The following PEPD variants were observed in gnomAD, a reference collection of about 807,000 sequenced individuals.
PEPD encodes the protein peptidase D, also known as xaa-Pro dipeptidase.
PEPD carries 53 observed loss-of-function variants against 60.7 expected under a neutral mutation model. The ratio of observed to expected loss-of-function variants is 0.87; its 90% CI spans 0.70 to 1.10. The LOEUF is 1.10. PEPD is among the 50% of genes least tolerant of loss of function. The pLI is 0.00. For synonymous variants in PEPD, 267 were observed against 284.1 expected (o/e 0.94, Z 0.60); for missense variants, 711 against 711.9 (o/e 1.00, Z 0.01).
At chr19:33,478,150 A>C in intron 6 of PEPD, 60 bp from the exon 7 acceptor site, 1 of 1,128,878 alleles carries the variant, frequency 8.9e-7, no homozygotes, top group East Asian at 2.4e-5. Flanking sequence ...CCCAGCAAGA[A>C]CTACCTCATT....
At chr19:33,448,277 G>A (rs770660629) in intron 9 of PEPD, among the ~76,000 whole-genome samples, 5 of 152,210 alleles carry the variant, frequency 3.3e-5, no homozygotes, top group Non-Finnish European at 7.3e-5. Flanking sequence ...CTGCGGGGCT[G>A]CTCCTCACTA....
At chr19:33,460,617 G>C (rs1969908304) in intron 9 of PEPD, among the ~76,000 whole-genome samples, 1 of 152,070 alleles carries the variant, frequency 6.6e-6, no homozygotes, top group Non-Finnish European at 1.5e-5. Context: ...GCTCTCAGGG[G>C]CCCACAGATC....
chr19:33,473,475 T>C (rs1006234905), intron 7 of PEPD, among the ~76,000 whole-genome samples: 3 of 152,182 alleles, frequency 2.0e-5, no homozygotes, highest in African/African-American at 4.8e-5. Context: ...GATTAATGCA[T>C]GCAGGACACT....
chr19:33,387,492 C>G lies in PEPD; in HGVS notation c.1345-11G>C, dbSNP rs374919986. ...CTCCTCGATGCGGACCTGGGTCAAG[C>G]CGACAGACACACATTATCATAGAGC... is the stretch of plus-strand genomic sequence containing the variant. On this transcript the variant is annotated splice_polypyrimidine_tract_variant and intron_variant, in intron 14 of 14. Coordinates refer to ENST00000244137, the MANE Select transcript of PEPD (RefSeq NM_000285.4). 153 of 1,613,186 alleles carry G rather than the reference C, an allele frequency of 9.5e-5. No individual in the cohort carries two copies. In the African/African-American group the frequency reaches 1.7e-3, roughly 18 times the overall value.
At chr19:33,499,207 A>C (rs1970664272) in intron 4 of PEPD, among the ~76,000 whole-genome samples, 1 of 152,192 alleles carries the variant, frequency 6.6e-6, no homozygotes, top group Admixed American at 6.5e-5. Context: ...CAGAATCTTC[A>C]GATGTTAAGA....
chr19:33,442,273 G>T (rs569900702), intron 9 of PEPD, among the ~76,000 whole-genome samples: 1 of 152,138 alleles, frequency 6.6e-6, no homozygotes, highest in East Asian at 1.9e-4. Flanking sequence ...GGTGGAGGGT[G>T]GGGGGCACCT....
intron 11 of PEPD, among the ~76,000 whole-genome samples, chr19:33,403,657 C>T (rs1309689345): frequency 6.6e-6 from 1 of 152,214 alleles, no homozygotes; most frequent in African/African-American, 2.4e-5. Context: ...CAGCGTCAGC[C>T]GCCCCATGGA....
Position 33,387,882 on chromosome 19 carries a change from G to A in PEPD, c.1344+8C>T. The A allele has an allele frequency of 6.4e-7, 1 of 1,555,032 alleles. No individual in the cohort carries two copies. Among genetic ancestry groups the A allele is most frequent in the Non-Finnish European group, 8.7e-7 (1 of 1,149,352 alleles). On this transcript the variant is annotated splice_region_variant and intron_variant, in intron 14 of 14. Transcript: ENST00000244137. The stretch of plus-strand genomic sequence containing the variant: ...CTGGGAGCAAGAATGGGGCCCGTGG[G>A]CACTCACCCCGCCAAAACCGCGAAA...
rs768550084 is a variant in PEPD at position 33,521,733 on chromosome 19, G to T, written c.17+11C>A. 1.3e-6 allele frequency: 2 copies of T among 1,580,170 alleles called. No homozygotes were observed. Among genetic ancestry groups the T allele is most frequent in the South Asian group, 1.2e-5 (1 of 86,950 alleles). Reference sequence around the variant, plus strand: ...GCCAGCGGGAAAGAGCGAGGGAGGCGCAGCACTCACCCGGTGGCCGCCGCC... The same window carrying T: ...GCCAGCGGGAAAGAGCGAGGGAGGCTCAGCACTCACCCGGTGGCCGCCGCC... On this transcript the variant is annotated intron_variant, in intron 1 of 14. Coordinates refer to ENST00000244137, the MANE Select transcript of PEPD (RefSeq NM_000285.4).
intron 9 of PEPD, among the ~76,000 whole-genome samples, chr19:33,437,415 G>A (rs17833959): frequency 0.088 from 13,375 of 151,252 alleles, 624 homozygotes; most frequent in Middle Eastern, 0.13. Context: ...CACACGAGAT[G>A]CAGGGGTTCA....
In PEPD at chr19:33,387,323, C is replaced by G. The variant is rs754071234; in HGVS notation, c.*21G>C. The G allele has an allele frequency of 7.4e-6, 12 of 1,613,426 alleles. No individual in the cohort carries two copies. The highest frequency in any genetic ancestry group is 1.0e-5 in the Non-Finnish European group (12 of 1,179,882). On this transcript the variant is annotated 3_prime_UTR_variant, in exon 15 of 15. Coordinates refer to ENST00000244137, the MANE Select transcript of PEPD (RefSeq NM_000285.4). ...GGTTGCAAGGCCAGGCCCCCAGGTG[C>G]GCTGGGATTTCTGGCTGGCTCTACT...
chr19:33,396,371 G>A (rs905046772), intron 12 of PEPD, among the ~76,000 whole-genome samples: 1 of 151,972 alleles, frequency 6.6e-6, no homozygotes, highest in South Asian at 2.1e-4. Flanking sequence ...GCCGGGGCAG[G>A]TGCTGCTGGG....
At chr19:33,511,910 C>T (rs934827290) in intron 2 of PEPD, among the ~76,000 whole-genome samples, 1 of 152,182 alleles carries the variant, frequency 6.6e-6, no homozygotes, top group Admixed American at 6.5e-5. Context: ...AGAAAAAACA[C>T]AGTCTGCGGT....
chr19:33,438,123 G>A (rs1358950891), intron 9 of PEPD, among the ~76,000 whole-genome samples: 3 of 152,222 alleles, frequency 2.0e-5, no homozygotes, highest in African/African-American at 7.2e-5. Context: ...GACACAGGCT[G>A]CAGGGATGTC....
At chr19:33,431,148 GAGGAAGGAAGGAAAGAAGGAAGGA>G (rs2145395984) in intron 9 of PEPD, among the ~76,000 whole-genome samples, 1 of 138,386 alleles carries the variant, frequency 7.2e-6, no homozygotes, top group East Asian at 2.4e-4. Flanking sequence ...GAAAGGGAGA[GAGGAAGGAAGGAAAGAAGGAAGGA>G]AGGAAGGAAG....
intron 12 of PEPD, among the ~76,000 whole-genome samples, chr19:33,394,555 G>A (rs1313019841): frequency 6.6e-6 from 1 of 152,238 alleles, no homozygotes; most frequent in Non-Finnish European, 1.5e-5. Context: ...CCCAGCCTCT[G>A]GCCCGGATGG....
rs367902648 is a variant in PEPD at position 33,401,847 on chromosome 19, A to T, written c.841T>A (p.Tyr281Asn). ...GTGATGTCGGAAGCGAAGCAGTAAT[A>T]CTCACCGCCCATGTCGAACAGGCTG... ...DMCLFDMGGE[Y>N]YCFASDITCS... Residue 281 changes from tyrosine to asparagine, a missense_variant, in exon 12 of 15, where the codon TAT becomes AAT. By Grantham distance (143) the Tyr-to-Asn change is moderately radical (BLOSUM62 -2). Transcript: ENST00000244137. 2.4e-4 allele frequency: 395 copies of T among 1,612,874 alleles called. No homozygotes were observed. The highest frequency in any genetic ancestry group is 3.2e-4 in the Non-Finnish European group (380 of 1,179,888).
In PEPD at chr19:33,416,749, C is replaced by T. The variant is rs1255643047; in HGVS notation, c.672-3106G>A. On this transcript the variant is annotated intron_variant, in intron 9 of 14. Coordinates refer to ENST00000244137, the MANE Select transcript of PEPD (RefSeq NM_000285.4). ...CTAACACCCTCACCTATAAATTTCT[C>T]CCAGGCAAGACTCGGGTAGAAGAGG... 2.0e-5 allele frequency among the ~76,000 whole-genome samples: 3 copies of T among 152,328 alleles called. No homozygotes were observed. The East Asian group carries it at 5.8e-4, about 29-fold the overall frequency.
intron 9 of PEPD, among the ~76,000 whole-genome samples, chr19:33,444,017 T>G (rs1369337633): frequency 6.6e-5 from 10 of 151,056 alleles, no homozygotes; most frequent in African/African-American, 2.4e-4. Flanking sequence ...GCAGGGAGGG[T>G]GAGAAGAGTG....
Sources: allele counts gnomAD v4.1 joint callset (sites outside exome capture counted in the v4.1 genomes callset), GRCh38; gene constraint gnomAD v4.1.1; transcripts MANE v1.5; gene names NCBI Gene and HGNC (gene_info 2026-07-23, HGNC 2026-07-21).